DOCK9: variants seen among roughly 807,000 people sequenced by gnomAD.
DOCK9 encodes the protein dedicator of cytokinesis protein 9.
In DOCK9, 89 loss-of-function variants were observed where a neutral mutation model predicts 263.3. The observed-to-expected ratio is 0.34, with a 90% CI of 0.28 to 0.40. The LOEUF (loss-of-function observed/expected upper bound fraction) is 0.40, where lower values mean the gene tolerates loss of function less well. Among genes scored for constraint, DOCK9 ranks in the 10% least tolerant of loss-of-function variants. The pLI is 1.00. For missense variants in DOCK9, 2,140 were observed against 2,603.4 expected (o/e 0.82, Z 3.87); for synonymous variants, 976 against 973.1 (o/e 1.00, Z -0.06).
chr13:98,800,510 G>T, intron 49 of DOCK9, 32 bp from the exon 50 acceptor site: 1 of 1,601,680 alleles, frequency 6.2e-7, no homozygotes, highest in Non-Finnish European at 8.5e-7. Flanking sequence ...ATTACTGCAT[G>T]GCTTGCACGA....
chr13:99,038,429 C>G (rs970756267), intron 1 of DOCK9, among the ~76,000 whole-genome samples: 2 of 150,986 alleles, frequency 1.3e-5, no homozygotes. Flanking sequence ...CTCAGCCTCC[C>G]GAGTAGCTGG....
At chr13:98,803,088 C>G (rs917835631) in intron 49 of DOCK9, among the ~76,000 whole-genome samples, 2 of 152,148 alleles carry the variant, frequency 1.3e-5, no homozygotes, top group Admixed American at 1.3e-4. Context: ...TACAGGACCC[C>G]CAGGACAGCC....
chr13:98,866,906 G>GA (rs902271960), intron 30 of DOCK9, among the ~76,000 whole-genome samples: 2 of 152,160 alleles, frequency 1.3e-5, no homozygotes, highest in African/African-American at 4.8e-5. Flanking sequence ...TAGTTCCAGT[G>GA]AAAAAATTCA....
chr13:98,847,091 T>A, intron 37 of DOCK9: 1 of 157,092 alleles, frequency 6.4e-6, no homozygotes, highest in East Asian at 1.9e-4. Flanking sequence ...AAAAAATACG[T>A]TAACCATTTC....
intron 45 of DOCK9, among the ~76,000 whole-genome samples, chr13:98,817,513 G>C (rs1212474952): frequency 3.0e-5 from 4 of 134,924 alleles, no homozygotes; most frequent in African/African-American, 1.2e-4. Flanking sequence ...GGCTGGTCTT[G>C]AATTCCTGGG....
chr13:98,991,652 G>A (rs1879837405), intron 1 of DOCK9, among the ~76,000 whole-genome samples: 1 of 150,808 alleles, frequency 6.6e-6, no homozygotes, highest in South Asian at 2.1e-4. Context: ...AATATAGCTA[G>A]CAGAAAATGT....
intron 2 of DOCK9, among the ~76,000 whole-genome samples, chr13:98,943,978 C>G (rs1031565071): frequency 3.3e-5 from 5 of 152,132 alleles, no homozygotes; most frequent in African/African-American, 1.2e-4. Context: ...CCTTTAATAT[C>G]CTAAGACATA....
intron 1 of DOCK9, among the ~76,000 whole-genome samples, chr13:99,040,276 G>A (rs1379424172): frequency 6.6e-6 from 1 of 152,168 alleles, no homozygotes; most frequent in Non-Finnish European, 1.5e-5. Context: ...CACCAGAACT[G>A]TGAGAAATAA....
chr13:98,847,111 G>A (rs1385237382), intron 37 of DOCK9: 2 of 157,280 alleles, frequency 1.3e-5, no homozygotes, highest in South Asian at 1.8e-4. Flanking sequence ...CACAAAACCC[G>A]ATTCTAAAAC....
intron 45 of DOCK9, among the ~76,000 whole-genome samples, chr13:98,821,035 A>T (rs548796158): frequency 6.6e-6 from 1 of 152,288 alleles, no homozygotes; most frequent in African/African-American, 2.4e-5. Context: ...CTGAATGACC[A>T]CAAAAGTACC....
At chr13:98,910,360 T>C (rs571650525) in intron 9 of DOCK9, among the ~76,000 whole-genome samples, 3 of 152,180 alleles carry the variant, frequency 2.0e-5, no homozygotes, top group African/African-American at 4.8e-5. Context: ...GGTTCCATAA[T>C]AGACAATAGG....
chr13:99,057,819 A>C (rs965410582), intron 1 of DOCK9, among the ~76,000 whole-genome samples: 103 of 152,304 alleles, frequency 6.8e-4, no homozygotes, highest in African/African-American at 2.3e-3. Context: ...ACAGTAAACT[A>C]ATTGACACAC....
At chr13:98,832,049 T>A in intron 39 of DOCK9, 1 of 394,368 alleles carries the variant, frequency 2.5e-6, no homozygotes, top group Non-Finnish European at 4.5e-6. Flanking sequence ...TGGGCTTCTA[T>A]TTATTAATAT....
At chr13:98,952,824 T>A (rs2057597550) in intron 2 of DOCK9, among the ~76,000 whole-genome samples, 1 of 152,258 alleles carries the variant, frequency 6.6e-6, no homozygotes, top group Non-Finnish European at 1.5e-5. Context: ...CACCAAGTTC[T>A]ATTATTTTAA....
chr13:99,014,721 A>C (rs982045188), intron 1 of DOCK9, among the ~76,000 whole-genome samples: 1 of 152,210 alleles, frequency 6.6e-6, no homozygotes, highest in Non-Finnish European at 1.5e-5. Context: ...ACAGAAGGAA[A>C]AATGGCAAGG....
intron 1 of DOCK9, among the ~76,000 whole-genome samples, chr13:99,044,686 T>G (rs1489717712): frequency 6.6e-6 from 1 of 152,216 alleles, no homozygotes; most frequent in East Asian, 1.9e-4. Context: ...GCTACGGAGC[T>G]AACTTAAAAG....
chr13:98,940,624 C>T (rs1054877198), intron 2 of DOCK9, among the ~76,000 whole-genome samples: 3 of 152,194 alleles, frequency 2.0e-5, no homozygotes, highest in Non-Finnish European at 4.4e-5. Flanking sequence ...TGAGCCTAAG[C>T]TCACCTAACA....
intron 20 of DOCK9, 54 bp from the exon 21 acceptor site, chr13:98,885,146 C>G (rs1352464685): frequency 6.3e-7 from 1 of 1,591,538 alleles, no homozygotes; most frequent in Admixed American, 1.8e-5. Flanking sequence ...TGTATGAAAA[C>G]TTATGAAAGC....
rs2093052234 is a variant in DOCK9, at chr13:98,837,586, C to T, written c.4222G>A (p.Val1408Ile). 1 of 1,613,386 alleles carries T rather than the reference C, an allele frequency of 6.2e-7. No individual in the cohort carries two copies. The highest frequency in any genetic ancestry group is 8.5e-7 in the Non-Finnish European group (1 of 1,179,536). ...GCTTCAAGTAATGACTGGTGCAGAA[C>T]ATCTGCGTCCGAGTGGCCATAGCCT... ...NHSYGHSDAD[V>I]LHQSLLEANI... The change falls in exon 39 of 53, where the codon GTT (valine) becomes ATT (isoleucine). Residue 1408 changes from valine (V) to isoleucine (I), a missense_variant. Transcript: ENST00000682017.
Sources: gnomAD v4.1 joint callset for allele counts (sites outside exome capture counted in the v4.1 genomes callset) on GRCh38, gnomAD v4.1.1 for gene constraint, MANE v1.5 for transcripts, NCBI Gene and HGNC (gene_info 2026-07-23, HGNC 2026-07-21) for gene names.